PPM1B: variants seen among roughly 807,000 people sequenced by gnomAD.
The protein encoded by PPM1B is protein phosphatase, Mg2+/Mn2+ dependent 1B, also known as protein phosphatase 1B.
A neutral mutation model predicts 43.0 loss-of-function variants in PPM1B; 22 were observed. That is an observed-to-expected ratio of 0.51 (90% CI 0.37 to 0.73). The LOEUF is 0.73. Ranked by LOEUF, PPM1B falls within the 30% of genes least tolerant of loss-of-function variation. The pLI is 0.00. For synonymous variants in PPM1B, 217 were observed against 197.9 expected (o/e 1.10, Z -0.81); for missense variants, 632 against 584.2 (o/e 1.08, Z -0.84).
At chr2:44,222,302 C>A (rs1670012694) in intron 5 of PPM1B, among the ~76,000 whole-genome samples, 2 of 152,044 alleles carry the variant, frequency 1.3e-5, no homozygotes, top group South Asian at 4.1e-4. Context: ...TGTATTTATT[C>A]ATTTCTAGTA....
intron 1 of PPM1B, among the ~76,000 whole-genome samples, chr2:44,186,940 C>G (rs7586362): frequency 6.6e-6 from 1 of 152,110 alleles, no homozygotes; most frequent in African/African-American, 2.4e-5. Context: ...TGTACAGTTC[C>G]TATCAGGCCA....
Position 44,218,168 on chromosome 2 carries a change from A to G in PPM1B, c.1076+90A>G, listed in dbSNP as rs962953600. The G allele has an allele frequency of 2.4e-5, 23 of 958,572 alleles. No individual in the cohort carries two copies. The African/African-American group carries it at 3.1e-4, about 13-fold the overall frequency. 59.4% of individuals were successfully genotyped at this position (958,572 alleles called of 1,614,324 possible). On this transcript the variant is annotated intron_variant, in intron 4 of 5. Transcript: ENST00000282412. ...AAAAACTTAAATCAGAAGTACATCAATTATCTAGAGGTGAAATGGGTTAGT... is the reference window on the plus strand; with the variant it reads ...AAAAACTTAAATCAGAAGTACATCAGTTATCTAGAGGTGAAATGGGTTAGT...
chr2:44,208,041 A>G lies in PPM1B; in HGVS notation c.847-1169A>G, dbSNP rs57007587. The stretch of plus-strand genomic sequence containing the variant: ...GTAGCTGGTATTACAGGTGCGCGCC[A>G]CCACGCCTGGATAATTTTTGTATAT... On this transcript the variant is annotated intron_variant, in intron 2 of 5. Coordinates refer to ENST00000282412, the MANE Select transcript of PPM1B (RefSeq NM_002706.6). Among the ~76,000 whole-genome samples, 805 of 151,928 alleles carry G rather than the reference A, an allele frequency of 5.3e-3. 10 individuals are homozygous for G. The highest frequency in any genetic ancestry group is 0.019 in the African/African-American group (776 of 41,426).
At chr2:44,172,021 G>C (rs1282930961) in intron 1 of PPM1B, among the ~76,000 whole-genome samples, 4 of 152,100 alleles carry the variant, frequency 2.6e-5, no homozygotes, top group Admixed American at 2.6e-4. Context: ...ACTGATTTTA[G>C]TAAAAATTAG....
At chr2:44,237,277 G>A (rs1282582909), downstream of PPM1B, among the ~76,000 whole-genome samples, 2 of 152,106 alleles carry the variant, frequency 1.3e-5, no homozygotes, top group African/African-American at 4.8e-5. Context: ...CTGTTGTTTT[G>A]ATGATTCGTG....
rs182410655 is a variant in PPM1B, at chr2:44,200,973, A to G, written c.-14-213A>G. Among the ~76,000 whole-genome samples, 211 of 152,290 alleles carry G rather than the reference A, an allele frequency of 1.4e-3. 1 individual carries two copies. Among genetic ancestry groups the G allele is most frequent in the African/African-American group, 5.0e-3 (208 of 41,552 alleles). On this transcript the variant is annotated intron_variant, in intron 1 of 5. Transcript: ENST00000282412. ...TCCCATCCCTAGGGATTCTGATTTA[A>G]TTGGTCTGATTATTCTTACGCGCTA...
chr2:44,174,190 T>C (rs548984342), intron 1 of PPM1B, among the ~76,000 whole-genome samples: 1 of 152,374 alleles, frequency 6.6e-6, no homozygotes, highest in East Asian at 1.9e-4. Context: ...TATTCTATTT[T>C]TTAGCTTTAA....
At chr2:44,174,411 G>A (rs1397987099) in intron 1 of PPM1B, among the ~76,000 whole-genome samples, 1 of 152,162 alleles carries the variant, frequency 6.6e-6, no homozygotes, top group Non-Finnish European at 1.5e-5. Context: ...AGTGATATAG[G>A]GAGGATAAGA....
intron 3 of PPM1B, among the ~76,000 whole-genome samples, chr2:44,214,102 CAG>C (rs763635596): frequency 6.6e-6 from 1 of 152,128 alleles, no homozygotes; most frequent in Non-Finnish European, 1.5e-5. Flanking sequence ...TTTTTTGAGA[CAG>C]AGTCTCGCAC....
intron 5 of PPM1B, among the ~76,000 whole-genome samples, chr2:44,223,292 A>G (rs1007011119): frequency 3.3e-5 from 5 of 152,202 alleles, no homozygotes; most frequent in African/African-American, 4.8e-5. Flanking sequence ...AAGGAAAAAC[A>G]GGATAGATTA....
At chr2:44,238,215 T>G (rs902467782), downstream of PPM1B, among the ~76,000 whole-genome samples, 4 of 152,146 alleles carry the variant, frequency 2.6e-5, no homozygotes, top group South Asian at 4.1e-4. Flanking sequence ...AAATGCAATT[T>G]ATCTTAACAA....
Position 44,194,737 on chromosome 2 carries a change from G to T in PPM1B, c.-14-6449G>T, listed in dbSNP as rs1668576351. ...GACTCCATCTCAAAAAAAAGAAGAA[G>T]GCTGAGCAGGCTGAGCATATCAGCA... is the stretch of plus-strand genomic sequence containing the variant. On this transcript the variant is annotated intron_variant, in intron 1 of 5. Transcript: ENST00000282412. 2.6e-5 allele frequency among the ~76,000 whole-genome samples: 4 copies of T among 151,946 alleles called. No homozygotes were observed. The South Asian group carries it at 8.3e-4, about 32-fold the overall frequency.
Position 44,209,236 on chromosome 2 carries a change from A to G in PPM1B, c.873A>G (p.Val291=), listed in dbSNP as rs146877428. 1.9e-6 allele frequency: 3 copies of G among 1,612,036 alleles called. No individual in the cohort carries two copies. The highest frequency in any genetic ancestry group is 2.5e-6 in the Non-Finnish European group (3 of 1,178,456). Residue 291 remains valine (V), a synonymous_variant, in exon 3 of 6, where the codon GTA becomes GTG. Transcript: ENST00000282412. ...HKGSRDNMSI[V]LVCFSNAPKV... is the part of the protein sequence containing the mutation. ...GAAGTCGAGATAACATGAGTATTGT[A>G]CTAGTTTGCTTTTCAAATGCTCCCA...
At chr2:44,178,797 C>T (rs1299604526) in intron 1 of PPM1B, among the ~76,000 whole-genome samples, 1 of 152,086 alleles carries the variant, frequency 6.6e-6, no homozygotes, top group Non-Finnish European at 1.5e-5. Context: ...TAATTTAGTG[C>T]TGTCCTATAT....
intron 1 of PPM1B, among the ~76,000 whole-genome samples, chr2:44,169,999 A>G (rs745817920): frequency 6.6e-6 from 1 of 152,236 alleles, no homozygotes; most frequent in Admixed American, 6.5e-5. Flanking sequence ...GTTTAAGCCT[A>G]ACAACCTTGA....
chr2:44,236,318 G>A (rs906045146), downstream of PPM1B, among the ~76,000 whole-genome samples: 1 of 148,864 alleles, frequency 6.7e-6, no homozygotes, highest in Admixed American at 6.8e-5. Context: ...CAGGAGAATC[G>A]CTTGAACCTG....
chr2:44,202,526 G>T (rs562943869), intron 2 of PPM1B, among the ~76,000 whole-genome samples: 1 of 152,236 alleles, frequency 6.6e-6, no homozygotes, highest in Admixed American at 6.5e-5. Flanking sequence ...TAAAAATATG[G>T]GTTGTATATT....
chr2:44,173,384 C>CT (rs375927371), intron 1 of PPM1B, among the ~76,000 whole-genome samples: 1 of 152,068 alleles, frequency 6.6e-6, no homozygotes, highest in Admixed American at 6.5e-5. Context: ...AACTTATATA[C>CT]TTTTTTTCTT....
At chr2:44,200,224 A>T (rs1668870114) in intron 1 of PPM1B, among the ~76,000 whole-genome samples, 1 of 152,246 alleles carries the variant, frequency 6.6e-6, no homozygotes, top group South Asian at 2.1e-4. Flanking sequence ...GGTGACTAAG[A>T]AATTTGCCCA....
Sources: gnomAD v4.1 joint callset for allele counts (sites outside exome capture counted in the v4.1 genomes callset) on GRCh38, gnomAD v4.1.1 for gene constraint, MANE v1.5 for transcripts, NCBI Gene and HGNC (gene_info 2026-07-23, HGNC 2026-07-21) for gene names.